Variants in KSR1 observed in about 807,000 individuals in gnomAD.
KSR1 encodes the protein kinase suppressor of ras.
In KSR1, 35 loss-of-function variants were observed where a neutral mutation model predicts 92.9. The observed-to-expected ratio is 0.38, with a 90% CI of 0.29 to 0.50. The LOEUF (loss-of-function observed/expected upper bound fraction) is 0.50. KSR1 is among the 20% of genes least tolerant of loss of function. The pLI, the probability that KSR1 is intolerant of heterozygous loss-of-function variation, is 0.94. For missense variants in KSR1, 972 were observed against 1,158.5 expected, an observed-to-expected ratio of 0.84 and a Z score of 2.34; for synonymous variants, 467 against 472.6, an observed-to-expected ratio of 0.99 and a Z score of 0.15.
intron 1 of KSR1, among the ~76,000 whole-genome samples, chr17:27,533,964 C>CGTGTGTGTGTGTGTGT (rs60306092): frequency 1.3e-5 from 2 of 151,740 alleles, no homozygotes; most frequent in African/African-American, 4.8e-5. Flanking sequence ...CGTGTGCGCA[C>CGTGTGTGTGTGTGTGT]GTGTGTGTGT....
At chr17:27,468,018 C>T (rs1340505198) in intron 1 of KSR1, among the ~76,000 whole-genome samples, 1 of 151,942 alleles carries the variant, frequency 6.6e-6, no homozygotes, top group Non-Finnish European at 1.5e-5. Flanking sequence ...GGGGTTTCAC[C>T]GTGTTAGCCA....
At chr17:27,597,171 A>C in intron 9 of KSR1, 97 bp from the exon 10 acceptor site, 1 of 1,335,478 alleles carries the variant, frequency 7.5e-7, no homozygotes, top group South Asian at 1.3e-5. Flanking sequence ...CCCTGGGCTG[A>C]CTGCTTCCTT....
intron 1 of KSR1, among the ~76,000 whole-genome samples, chr17:27,487,212 A>G (rs942179871): frequency 2.0e-5 from 3 of 152,140 alleles, no homozygotes; most frequent in Admixed American, 2.0e-4. Flanking sequence ...AGGCGGGTGG[A>G]TCACCTGAGG....
chr17:27,576,007 C>T (rs1181125731), intron 2 of KSR1, among the ~76,000 whole-genome samples: 1 of 152,216 alleles, frequency 6.6e-6, no homozygotes, highest in Admixed American at 6.5e-5. Flanking sequence ...TTGGCAGAAT[C>T]CATTTCCTTG....
At chr17:27,547,933 G>A (rs9915237) in intron 1 of KSR1, among the ~76,000 whole-genome samples, 52,853 of 151,836 alleles carry the variant, frequency 0.35, 9,896 homozygotes, top group Non-Finnish European at 0.41. Context: ...GGCTGGTCTC[G>A]AACCTCTGAT....
chr17:27,458,336 G>A (rs969199667), intron 1 of KSR1, among the ~76,000 whole-genome samples: 10 of 152,180 alleles, frequency 6.6e-5, no homozygotes, highest in Non-Finnish European at 1.5e-4. Flanking sequence ...GCTCAGTTCC[G>A]GGAGGAGGGG....
At position 27,512,217 on chromosome 17, in the gene KSR1, A is replaced by G. The variant is rs886217381; in HGVS notation, c.232-38351A>G. Among the ~76,000 whole-genome samples the G allele has an allele frequency of 4.6e-5, 7 of 152,198 alleles. No homozygotes were observed. In the East Asian group the frequency reaches 7.7e-4, roughly 17 times the overall value. ...TCACTAATCTGTGGAGAAAATGTGTATATCCCAAGCCATTTCCTCCTTCAG... is the reference window on the plus strand; with the variant it reads ...TCACTAATCTGTGGAGAAAATGTGTGTATCCCAAGCCATTTCCTCCTTCAG... On this transcript the variant is annotated intron_variant, in intron 1 of 20. Transcript: ENST00000644974.
At chr17:27,488,941 C>T (rs1027064158) in intron 1 of KSR1, among the ~76,000 whole-genome samples, 3 of 152,250 alleles carry the variant, frequency 2.0e-5, no homozygotes, top group South Asian at 2.1e-4. Context: ...TCCAGCCTGG[C>T]GACAGAGCAA....
chr17:27,616,505 C>T (rs2074058692), intron 18 of KSR1, among the ~76,000 whole-genome samples: 1 of 152,220 alleles, frequency 6.6e-6, no homozygotes, highest in Admixed American at 6.5e-5. Flanking sequence ...TACACACACA[C>T]ACATGTACAC....
intron 1 of KSR1, among the ~76,000 whole-genome samples, chr17:27,469,323 A>G (rs993265534): frequency 3.3e-5 from 5 of 151,946 alleles, no homozygotes; most frequent in Admixed American, 6.6e-5. Flanking sequence ...CTTTTGCTGT[A>G]TTCTCTTGCA....
At chr17:27,555,894 G>A in intron 2 of KSR1, among the ~76,000 whole-genome samples, 1 of 152,180 alleles carries the variant, frequency 6.6e-6, no homozygotes, top group Admixed American at 6.5e-5. Flanking sequence ...AGGAGATAAA[G>A]TGAAAGAAAA....
chr17:27,559,404 G>A lies in KSR1; in HGVS notation c.372+8696G>A, dbSNP rs1028549590. ...CCACTAGATCTTCATCTAGAGCAGC[G>A]CTGTTCAAAACCTTCTGTATTGTCC... On this transcript the variant is annotated intron_variant, in intron 2 of 20. Coordinates refer to ENST00000644974, the MANE Select transcript of KSR1 (RefSeq NM_001394583.1). This position sits in a 1 kb window ranked among gnomAD's most constrained non-coding sequence, Gnocchi z 4.2. Among the ~76,000 whole-genome samples, 4 of 152,238 alleles carry A rather than the reference G, an allele frequency of 2.6e-5. No individual in the cohort carries two copies. Among genetic ancestry groups the A allele is most frequent in the South Asian group, 2.1e-4 (1 of 4,830 alleles).
chr17:27,577,433 G>T lies in KSR1; in HGVS notation c.373-59G>T. ...CAGCAGGAGGCCAGCCTGAGGCTGA[G>T]GGGCTCCCGGCCCAGCCGACTGCTC... On this transcript the variant is annotated intron_variant, in intron 2 of 20. Transcript: ENST00000644974. The surrounding 1 kb of genome is among the most constrained non-coding windows in gnomAD (Gnocchi z 4.5). 1 of 1,117,798 alleles carries T rather than the reference G, an allele frequency of 8.9e-7. No homozygotes were observed. Among genetic ancestry groups the T allele is most frequent in the Admixed American group, 2.1e-5 (1 of 47,316 alleles). The allele number at this position is 1,117,798 out of a possible 1,614,324, so 69.2% of individuals were successfully genotyped here.
chr17:27,527,056 T>C, intron 1 of KSR1: 1 of 454,886 alleles, frequency 2.2e-6, no homozygotes, highest in Non-Finnish European at 4.2e-6. Context: ...GAGAGTTGCA[T>C]TCGTGGGTCA....
chr17:27,495,092 G>A (rs1200253827), intron 1 of KSR1, among the ~76,000 whole-genome samples: 1 of 152,236 alleles, frequency 6.6e-6, no homozygotes, highest in East Asian at 1.9e-4. Flanking sequence ...GCACAGCACA[G>A]GAGGTGGTTT....
intron 2 of KSR1, among the ~76,000 whole-genome samples, chr17:27,576,089 C>T (rs2072494209): frequency 6.6e-6 from 1 of 152,204 alleles, no homozygotes; most frequent in Non-Finnish European, 1.5e-5. Flanking sequence ...CCAGAGGCCA[C>T]CCCCATTCCC....
At chr17:27,540,790 G>C (rs1374061277) in intron 1 of KSR1, among the ~76,000 whole-genome samples, 2 of 152,250 alleles carry the variant, frequency 1.3e-5, no homozygotes, top group African/African-American at 2.4e-5. Flanking sequence ...GGAGCTGGGT[G>C]CTATGGTCGC....
intron 11 of KSR1, chr17:27,601,977 T>A (rs1343795205): frequency 6.4e-7 from 1 of 1,572,782 alleles, no homozygotes; most frequent in East Asian, 2.3e-5. Context: ...ATACATTGAG[T>A]CCCTTCTGCA....
rs1309679387 is a variant in KSR1 at position 27,611,495 on chromosome 17, A to T, written c.2359A>T (p.Thr787Ser). 6.2e-6 allele frequency: 10 copies of T among 1,613,626 alleles called. No homozygotes were observed. The highest frequency in any genetic ancestry group is 8.5e-6 in the Non-Finnish European group (10 of 1,179,742). The change falls in exon 18 of 21, where the codon ACT (threonine) becomes TCT (serine). Residue 787 changes from threonine (T) to serine (S), a missense_variant and splice_region_variant. Thr to Ser is a moderately conservative substitution (Grantham distance 58). Transcript: ENST00000644974. Reference protein sequence around the residue: ...SKAADVYAFGTVWYELQARDW... With the variant: ...SKAADVYAFGSVWYELQARDW... ...ACAGACATGGCTGGGTCTCTGCAGG[A>T]CTGTTTGGTATGAGCTGCAAGCAAG...
Sources: allele counts gnomAD v4.1 joint callset (sites outside exome capture counted in the v4.1 genomes callset), GRCh38; gene constraint gnomAD v4.1.1; non-coding constraint Gnocchi (gnomAD v3.1); transcripts MANE v1.5; gene names NCBI Gene and HGNC (gene_info 2026-07-23, HGNC 2026-07-21).